Variants in CREB3L1 observed in about 807,000 individuals in gnomAD.
CREB3L1 encodes cAMP responsive element binding protein 3 like 1.
In CREB3L1, 33 loss-of-function variants were observed where a neutral mutation model predicts 54.5. That is an observed-to-expected ratio of 0.61 (90% confidence interval 0.46 to 0.81). CREB3L1 has a LOEUF of 0.81. Ranked by LOEUF, CREB3L1 falls within the 30% of genes least tolerant of loss-of-function variation. The pLI is 0.00. For missense variants in CREB3L1, 656 were observed against 673.3 expected, an observed-to-expected ratio of 0.97 and a Z score of 0.29; for synonymous variants, 284 against 286.4, an observed-to-expected ratio of 0.99 and a Z score of 0.08.
chr11:46,296,363 C>T (rs2136342929), intron 1 of CREB3L1, among the ~76,000 whole-genome samples: 1 of 152,220 alleles, frequency 6.6e-6, no homozygotes, highest in Non-Finnish European at 1.5e-5. Context: ...CAGCCCTGGA[C>T]TTCACCAGCT....
At chr11:46,316,434 C>A in intron 9 of CREB3L1, 49 bp downstream of exon 9, 1 of 1,287,520 alleles carries the variant, frequency 7.8e-7, no homozygotes, top group Non-Finnish European at 1.1e-6. Context: ...GAGTTCTTCC[C>A]AAGGCTGGCT....
At chr11:46,304,368 A>G (rs1939346989) in intron 2 of CREB3L1, among the ~76,000 whole-genome samples, 1 of 152,140 alleles carries the variant, frequency 6.6e-6, no homozygotes, top group Non-Finnish European at 1.5e-5. Flanking sequence ...GCTACTCGAG[A>G]GGCTGAGGCA....
At chr11:46,304,152 G>A (rs966974844) in intron 2 of CREB3L1, among the ~76,000 whole-genome samples, 3 of 152,286 alleles carry the variant, frequency 2.0e-5, no homozygotes, top group East Asian at 3.9e-4. Context: ...AATGGTGCCT[G>A]CCCCCAGAGA....
chr11:46,298,077 A>T (rs911464563), intron 1 of CREB3L1, among the ~76,000 whole-genome samples: 1 of 152,224 alleles, frequency 6.6e-6, no homozygotes, highest in South Asian at 2.1e-4. Flanking sequence ...TAAGCAACTT[A>T]GCAAGTGGTG....
At chr11:46,281,403 G>A (rs954832975) in intron 1 of CREB3L1, among the ~76,000 whole-genome samples, 49 of 152,356 alleles carry the variant, frequency 3.2e-4, no homozygotes, top group African/African-American at 1.2e-3. Context: ...CTAAGGGGAA[G>A]GGATGTCTGG....
At chr11:46,307,566 C>T (rs1032278133) in intron 2 of CREB3L1, among the ~76,000 whole-genome samples, 3 of 152,196 alleles carry the variant, frequency 2.0e-5, no homozygotes, top group Admixed American at 1.3e-4. Context: ...TAAGGTCACA[C>T]ACACAGCCAA....
intron 9 of CREB3L1, among the ~76,000 whole-genome samples, 193 bp downstream of exon 9, chr11:46,316,578 C>T (rs1019693869): frequency 6.6e-6 from 1 of 152,210 alleles, no homozygotes; most frequent in Non-Finnish European, 1.5e-5. Flanking sequence ...TGCCTTCTGC[C>T]TCACACCGGT....
chr11:46,307,904 T>C lies in CREB3L1; in HGVS notation c.420T>C (p.Pro140=). 6.3e-7 allele frequency: 1 copy of C among 1,580,060 alleles called. No individual in the cohort carries two copies. Among genetic ancestry groups the C allele is most frequent in the Non-Finnish European group, 8.6e-7 (1 of 1,163,868 alleles). The change falls in exon 3 of 12, where the codon CCT becomes CCC. Residue 140 remains proline, a synonymous_variant. Coordinates refer to ENST00000621158, the MANE Select transcript of CREB3L1 (RefSeq NM_052854.4). ...QEQSPELPVD[P]LAAPSAMAAA... is the part of the protein sequence containing the mutation. ...AGAGCCCGGAGCTGCCCGTGGACCC[T>C]CTGGCTGCCCCCTCGGCCATGGCTG...
chr11:46,319,823 G>A (rs1032903243), intron 10 of CREB3L1, among the ~76,000 whole-genome samples: 4 of 151,524 alleles, frequency 2.6e-5, no homozygotes, highest in African/African-American at 9.7e-5. Context: ...AGATTGCAGG[G>A]AGTCAAGATC....
chr11:46,311,275 G>A (rs1394992829), intron 5 of CREB3L1, 86 bp downstream of exon 5: 3 of 1,408,590 alleles, frequency 2.1e-6, no homozygotes, highest in East Asian at 5.5e-5. Context: ...AGGGTTTGGG[G>A]AGCCCCGAGA....
intron 2 of CREB3L1, among the ~76,000 whole-genome samples, chr11:46,303,806 G>T (rs1480771139): frequency 6.6e-6 from 1 of 152,078 alleles, no homozygotes; most frequent in African/African-American, 2.4e-5. Context: ...TTTGAGACCA[G>T]CCTGGGCAAC....
At chr11:46,315,320 T>C (rs981109743) in intron 8 of CREB3L1, 3 of 216,196 alleles carry the variant, frequency 1.4e-5, no homozygotes, top group Non-Finnish European at 2.8e-5. Flanking sequence ...CCACCTGCTG[T>C]ACATTGTGGG....
intron 1 of CREB3L1, among the ~76,000 whole-genome samples, chr11:46,288,157 A>G (rs979066713): frequency 1.8e-4 from 28 of 151,998 alleles, no homozygotes; most frequent in African/African-American, 6.3e-4. Flanking sequence ...ACCTCCACTC[A>G]CTGCAGCCTC....
chr11:46,297,175 G>A (rs963401930), intron 1 of CREB3L1, among the ~76,000 whole-genome samples: 1 of 152,256 alleles, frequency 6.6e-6, no homozygotes. Context: ...CAGCCGGCAG[G>A]CCCGGGCTCT....
chr11:46,310,953 T>C lies in CREB3L1; in HGVS notation c.596-79T>C, dbSNP rs2303435. 297,111 of 1,475,574 alleles carry C rather than the reference T, an allele frequency of 0.2. 34,435 individuals carry two copies. Among genetic ancestry groups the C allele is most frequent in the African/African-American group, 0.5 (35,054 of 69,800 alleles). The allele number at this position is 1,475,574 out of a possible 1,614,324, so 91.4% of individuals were successfully genotyped here. On this transcript the variant is annotated intron_variant, in intron 4 of 11. Coordinates refer to ENST00000621158, the MANE Select transcript of CREB3L1 (RefSeq NM_052854.4). ...CCACAATGTCAGGGCTGGTGCAAGCTCATGCTCAGCTGAACTCATGATGTC... is the reference window on the plus strand; with the variant it reads ...CCACAATGTCAGGGCTGGTGCAAGCCCATGCTCAGCTGAACTCATGATGTC...
intron 3 of CREB3L1, among the ~76,000 whole-genome samples, chr11:46,308,501 A>G (rs1478077580): frequency 6.6e-6 from 1 of 151,892 alleles, no homozygotes; most frequent in Non-Finnish European, 1.5e-5. Flanking sequence ...GCATTCAGCT[A>G]TAAACCCAAG....
intron 6 of CREB3L1, 40 bp downstream of exon 6, chr11:46,312,514 G>A (rs1450645356): frequency 1.2e-6 from 2 of 1,610,320 alleles, no homozygotes; most frequent in African/African-American, 1.3e-5. Flanking sequence ...GGCTTCCTTG[G>A]TGGGTGGGCT....
In CREB3L1 at chr11:46,307,818, G is replaced by A. The variant is rs1170812553; in HGVS notation, c.334G>A (p.Ala112Thr). ...PIKMEDTTQD[A>T]EHGAWALGHK... ...CTGAGCCTTTCCCCTTCCCCTAGAT[G>A]CAGAGCATGGAGCATGGGCGCTGGG... The change falls in exon 3 of 12, where the codon GCA (alanine) becomes ACA (threonine). Residue 112 changes from alanine to threonine, a missense_variant and splice_region_variant. Ala to Thr is a moderately conservative substitution (Grantham distance 58, BLOSUM62 0). Transcript: ENST00000621158. 2 of 1,563,456 alleles carry A rather than the reference G, an allele frequency of 1.3e-6. No homozygotes were observed. The highest frequency in any genetic ancestry group is 1.7e-6 in the Non-Finnish European group (2 of 1,154,412).
chr11:46,304,328 C>A (rs1047992330), intron 2 of CREB3L1, among the ~76,000 whole-genome samples: 1 of 152,106 alleles, frequency 6.6e-6, no homozygotes, highest in African/African-American at 2.4e-5. Flanking sequence ...CAAAATTAGC[C>A]GGGAGTGGTG....
Sources: gnomAD v4.1 joint callset for allele counts (sites outside exome capture counted in the v4.1 genomes callset) on GRCh38, gnomAD v4.1.1 for gene constraint, MANE v1.5 for transcripts, NCBI Gene and HGNC (gene_info 2026-07-23, HGNC 2026-07-21) for gene names.